Variants in NELFA observed in about 807,000 individuals in gnomAD.
NELFA encodes the protein negative elongation factor A.
In NELFA, 35 loss-of-function variants were observed where a neutral mutation model predicts 51.8. The observed-to-expected ratio is 0.68, with a 90% CI of 0.52 to 0.90. The LOEUF (loss-of-function observed/expected upper bound fraction) is 0.90, where lower values mean the gene tolerates loss of function less well. NELFA is among the 40% of genes least tolerant of loss of function. The pLI, the probability that NELFA is intolerant of heterozygous loss-of-function variation, is 0.00. For missense variants in NELFA, 658 were observed against 746.4 expected, an observed-to-expected ratio of 0.88 and a Z score of 1.38; for synonymous variants, 417 against 338.4, an observed-to-expected ratio of 1.23 and a Z score of -2.55.
chr4:2,003,158 C>G (rs370582964), intron 1 of NELFA, among the ~76,000 whole-genome samples: 1 of 152,098 alleles, frequency 6.6e-6, no homozygotes, highest in Non-Finnish European at 1.5e-5. Context: ...CAGAGAAATG[C>G]AAATCAAAAC....
At chr4:1,984,755 T>C (rs2109053691) in intron 8 of NELFA, 53 bp downstream of exon 8, 2 of 1,364,294 alleles carry the variant, frequency 1.5e-6, no homozygotes, top group Non-Finnish European at 2.0e-6. Context: ...GTGGGCAAGG[T>C]CATGTCCTGG....
intron 1 of NELFA, among the ~76,000 whole-genome samples, chr4:2,005,648 C>G (rs752076607): frequency 2.6e-5 from 4 of 152,026 alleles, no homozygotes; most frequent in Non-Finnish European, 5.9e-5. Flanking sequence ...GCTGAGATCG[C>G]GCCACTGCTC....
At chr4:1,995,474 G>T (rs936143284) in intron 1 of NELFA, among the ~76,000 whole-genome samples, 1 of 152,102 alleles carries the variant, frequency 6.6e-6, no homozygotes, top group African/African-American at 2.4e-5. Context: ...AGATAAATTA[G>T]AATGTCTTAT....
chr4:1,984,330 T>A (rs1728014098), intron 8 of NELFA, among the ~76,000 whole-genome samples: 1 of 152,108 alleles, frequency 6.6e-6, no homozygotes, highest in African/African-American at 2.4e-5. Context: ...AGATAAGATG[T>A]CTGGACTCTG....
At chr4:1,986,594 A>G in intron 4 of NELFA, 192 bp from the exon 5 acceptor site, 1 of 796,112 alleles carries the variant, frequency 1.3e-6, no homozygotes, top group Non-Finnish European at 1.9e-6. Context: ...CCACGACCTC[A>G]CACTTTGCCA....
chr4:1,991,900 G>T, intron 1 of NELFA, 185 bp from the exon 2 acceptor site: 1 of 595,984 alleles, frequency 1.7e-6, no homozygotes, highest in Non-Finnish European at 2.9e-6. Flanking sequence ...TTGCTTCCCT[G>T]AGCAGCACAG....
chr4:1,999,129 C>A (rs544482418), intron 1 of NELFA, among the ~76,000 whole-genome samples: 1 of 151,670 alleles, frequency 6.6e-6, no homozygotes, highest in Non-Finnish European at 1.5e-5. Context: ...AGCCCCGCCC[C>A]GGAAGAACTC....
intron 1 of NELFA, among the ~76,000 whole-genome samples, chr4:2,007,351 G>T (rs1002336865): frequency 1.3e-5 from 2 of 152,162 alleles, no homozygotes; most frequent in Non-Finnish European, 2.9e-5. Flanking sequence ...ATGTAGTAAC[G>T]GGATGATTTA....
intron 1 of NELFA, among the ~76,000 whole-genome samples, chr4:1,998,142 C>A (rs1728482585): frequency 6.6e-6 from 1 of 152,116 alleles, no homozygotes; most frequent in South Asian, 2.1e-4. Flanking sequence ...ATCCAAGGGT[C>A]AGCAGCCTCA....
At chr4:1,986,628 A>C (rs1052561036) in intron 4 of NELFA, 1 of 560,614 alleles carries the variant, frequency 1.8e-6, no homozygotes. Flanking sequence ...AGACAGCGGC[A>C]CCCCAGCCCA....
intron 4 of NELFA, 89 bp downstream of exon 4, chr4:1,987,829 C>A (rs1182579530): frequency 1.8e-6 from 2 of 1,128,500 alleles, no homozygotes; most frequent in African/African-American, 3.1e-5. Context: ...TTCACAGGCA[C>A]CACCTCCCCA....
At chr4:2,003,668 A>T (rs1728632514) in intron 1 of NELFA, among the ~76,000 whole-genome samples, 1 of 152,094 alleles carries the variant, frequency 6.6e-6, no homozygotes, top group Non-Finnish European at 1.5e-5. Flanking sequence ...CATAAGTGGC[A>T]GGTAGTTGAA....
chr4:2,007,880 G>A, intron 1 of NELFA: 1 of 440,506 alleles, frequency 2.3e-6, no homozygotes. Context: ...ACAACCATGG[G>A]GCTTCAATAG....
In NELFA at chr4:1,989,931, A is replaced by T. The variant is rs900098070; in HGVS notation, c.383-62T>A. The T allele has an allele frequency of 3.6e-5, 56 of 1,567,036 alleles. No individual in the cohort carries two copies. The highest frequency in any genetic ancestry group is 4.8e-5 in the Non-Finnish European group (56 of 1,155,594). ...GGCCGCAGACCTCCCGGCTGAGAGG[A>T]GCTGGCGGCTGCCCAGCCCCACACC... On this transcript the variant is annotated intron_variant, in intron 2 of 10. Coordinates refer to ENST00000382882, the MANE Select transcript of NELFA (RefSeq NM_005663.5). The surrounding 1 kb of genome is among the most constrained non-coding windows in gnomAD (Gnocchi z 4.8).
chr4:1,985,951 CA>C (rs1728077987), intron 6 of NELFA, 87 bp from the exon 7 acceptor site: 1 of 1,364,924 alleles, frequency 7.3e-7, no homozygotes, highest in African/African-American at 1.5e-5. Context: ...AACAGCTTCC[CA>C]GGGGAGGCCA....
In NELFA at chr4:1,986,300, G is replaced by T; in HGVS notation, c.737C>A (p.Thr246Lys). The stretch of plus-strand genomic sequence containing the variant: ...CACACCTCGTTCCTTCCGCAGCAGC[G>T]TCCTGGAAGGCGGGATGGGGGTCCG... ...GNRTPIPPSR[T>K]LLRKERGVKL... Residue 246 changes from threonine to lysine, a missense_variant, in exon 5 of 11, where the codon ACG becomes AAG. By Grantham distance (78) the Thr-to-Lys change is moderately conservative. Around this residue, in one of 3 missense-constraint regions of NELFA, gnomAD observed 371 missense variants for 448.3 expected, o/e 0.83. Coordinates refer to ENST00000382882, the MANE Select transcript of NELFA (RefSeq NM_005663.5). 3 of 1,589,556 alleles carry T rather than the reference G, an allele frequency of 1.9e-6. No individual in the cohort carries two copies. Among genetic ancestry groups the T allele is most frequent in the Non-Finnish European group, 2.6e-6 (3 of 1,167,878 alleles).
intron 1 of NELFA, chr4:2,008,087 T>C (rs1294466568): frequency 2.2e-6 from 1 of 455,372 alleles, no homozygotes; most frequent in Non-Finnish European, 4.4e-6. Context: ...CAGCGGACAC[T>C]GGAGCTACCG....
In NELFA at chr4:1,983,521, T is replaced by C. The variant is rs1344758908; in HGVS notation, c.1403-18A>G. 6.2e-7 allele frequency: 1 copy of C among 1,613,214 alleles called. No homozygotes were observed. The highest frequency in any genetic ancestry group is 1.1e-5 in the South Asian group (1 of 91,074). On this transcript the variant is annotated intron_variant, in intron 10 of 10. Transcript: ENST00000382882. ...CGGGTTCTCTGCAGAGAGCAGGAGC[T>C]GCTGGGTGGGTGTCTGGGGGCACCC...
At chr4:1,988,312 G>A (rs1728172566) in intron 3 of NELFA, among the ~76,000 whole-genome samples, 2 of 152,246 alleles carry the variant, frequency 1.3e-5, no homozygotes, top group African/African-American at 2.4e-5. Context: ...CCATCGACCC[G>A]GGCCTCCCCC....
Sources: allele counts gnomAD v4.1 joint callset (sites outside exome capture counted in the v4.1 genomes callset), GRCh38; gene constraint gnomAD v4.1.1; regional missense constraint gnomAD v4.1.1; non-coding constraint Gnocchi (gnomAD v3.1); transcripts MANE v1.5; gene names NCBI Gene and HGNC (gene_info 2026-07-23, HGNC 2026-07-21).